PARD3: variants seen among roughly 807,000 people sequenced by gnomAD.
PARD3 encodes the protein partitioning defective 3 homolog.
Under a neutral mutation model 155.4 loss-of-function variants are expected in PARD3, and 75 were observed. The observed-to-expected ratio is 0.48, with a 90% CI of 0.40 to 0.58. PARD3 has a LOEUF of 0.58. Among genes scored for constraint, PARD3 ranks in the 20% least tolerant of loss-of-function variants. The pLI, the probability that PARD3 is intolerant of heterozygous loss-of-function variation, is 0.00. For missense variants in PARD3, 1,642 were observed against 1,721.7 expected (o/e 0.95, Z 0.82); for synonymous variants, 576 against 610.5 (o/e 0.94, Z 0.83).
rs554143927 is a variant in PARD3, at chr10:34,795,396, AGC to A, written c.120+19478_120+19479del. Among the ~76,000 whole-genome samples, 460 of 152,322 alleles carry A rather than the reference AGC, an allele frequency of 3.0e-3. 2 individuals carry two copies. The highest frequency in any genetic ancestry group is 4.8e-3 in the Non-Finnish European group (327 of 68,030). On this transcript the variant is annotated intron_variant, in intron 1 of 24. Transcript: ENST00000374788. ...GAGGCCAAAGGAAGAGCCTCACTTA[AGC>A]CCAGGAATTTGTGACCAGCCTGGGC...
chr10:34,330,711 A>AC (rs1835525796), intron 19 of PARD3, among the ~76,000 whole-genome samples: 2 of 152,210 alleles, frequency 1.3e-5, no homozygotes, highest in Non-Finnish European at 2.9e-5. Flanking sequence ...AAGTTTTAAA[A>AC]TATTACTTTT....
chr10:34,262,197 G>A (rs72786249), intron 22 of PARD3, among the ~76,000 whole-genome samples: 2 of 152,012 alleles, frequency 1.3e-5, no homozygotes, highest in Admixed American at 1.3e-4. Context: ...GTGCTCCAGG[G>A]TCTTTCTACA....
At chr10:34,415,293 A>ACACATG (rs1367472311) in intron 5 of PARD3, among the ~76,000 whole-genome samples, 1 of 152,210 alleles carries the variant, frequency 6.6e-6, no homozygotes, top group East Asian at 1.9e-4. Context: ...AGTTGGGAAG[A>ACACATG]CACATGCACA....
chr10:34,256,271 C>T (rs980282962), intron 22 of PARD3, among the ~76,000 whole-genome samples: 1 of 152,254 alleles, frequency 6.6e-6, no homozygotes, highest in Admixed American at 6.5e-5. Context: ...CCTCTGGCCT[C>T]ATGAACTTGG....
intron 2 of PARD3, among the ~76,000 whole-genome samples, chr10:34,661,018 T>C (rs2093312611): frequency 6.6e-6 from 1 of 152,140 alleles, no homozygotes; most frequent in South Asian, 2.1e-4. Flanking sequence ...AAAATAGAAT[T>C]GACAACATTC....
At chr10:34,610,098 T>A (rs918371040) in intron 2 of PARD3, among the ~76,000 whole-genome samples, 1 of 152,194 alleles carries the variant, frequency 6.6e-6, no homozygotes, top group South Asian at 2.1e-4. Flanking sequence ...TTCATCCACA[T>A]CTACTCTAAT....
At chr10:34,268,144 C>A (rs1429465778) in intron 22 of PARD3, among the ~76,000 whole-genome samples, 1 of 79,276 alleles carries the variant, frequency 1.3e-5, no homozygotes. Context: ...GGGAAAAGAT[C>A]GTTTAAAAAT....
chr10:34,765,793 G>A (rs2134051322), intron 1 of PARD3, among the ~76,000 whole-genome samples: 1 of 152,256 alleles, frequency 6.6e-6, no homozygotes, highest in East Asian at 1.9e-4. Context: ...GTATTAAAGT[G>A]GCTAACATCT....
At chr10:34,789,455 T>C (rs1434657813) in intron 1 of PARD3, among the ~76,000 whole-genome samples, 1 of 151,950 alleles carries the variant, frequency 6.6e-6, no homozygotes, top group Non-Finnish European at 1.5e-5. Flanking sequence ...CGAAACACTT[T>C]GGCTGGCCAA....
At chr10:34,138,149 G>A (rs999478074) in intron 22 of PARD3, among the ~76,000 whole-genome samples, 1 of 152,168 alleles carries the variant, frequency 6.6e-6, no homozygotes, top group East Asian at 1.9e-4. Context: ...TTTTACGAGC[G>A]AGTTTTACCA....
At chr10:34,326,169 T>A (rs1835010663) in intron 19 of PARD3, among the ~76,000 whole-genome samples, 1 of 151,706 alleles carries the variant, frequency 6.6e-6, no homozygotes, top group Non-Finnish European at 1.5e-5. Flanking sequence ...ATTCTATCAT[T>A]CAAAACACTT....
chr10:34,468,859 A>G (rs2078171580), intron 4 of PARD3, among the ~76,000 whole-genome samples: 1 of 152,238 alleles, frequency 6.6e-6, no homozygotes. Flanking sequence ...TACCTATGCA[A>G]AGAATAAATC....
intron 22 of PARD3, among the ~76,000 whole-genome samples, chr10:34,229,386 A>T (rs1952794059): frequency 6.6e-6 from 1 of 151,768 alleles, no homozygotes; most frequent in Non-Finnish European, 1.5e-5. Flanking sequence ...TGCGCAGCTA[A>T]TTTTAGAATT....
At chr10:34,486,547 T>C (rs2079483468) in intron 3 of PARD3, among the ~76,000 whole-genome samples, 1 of 152,252 alleles carries the variant, frequency 6.6e-6, no homozygotes, top group Non-Finnish European at 1.5e-5. Flanking sequence ...AAATTCAGTA[T>C]GGCTGTACCA....
intron 5 of PARD3, among the ~76,000 whole-genome samples, chr10:34,421,389 T>C (rs1846173305): frequency 6.6e-6 from 1 of 150,610 alleles, no homozygotes. Context: ...TAATTAGTTA[T>C]ATTAGTTATT....
intron 19 of PARD3, among the ~76,000 whole-genome samples, chr10:34,329,023 T>G (rs1027018355): frequency 4.6e-5 from 7 of 152,230 alleles, no homozygotes; most frequent in African/African-American, 1.7e-4. Context: ...GGTTTGCAAA[T>G]TGTAATTTGC....
chr10:34,436,408 G>C (rs2076190383), intron 5 of PARD3, among the ~76,000 whole-genome samples: 1 of 152,186 alleles, frequency 6.6e-6, no homozygotes, highest in African/African-American at 2.4e-5. Flanking sequence ...AGGTATAACT[G>C]ATCAAGTCAG....
chr10:34,219,347 A>C (rs1952163910), intron 22 of PARD3, among the ~76,000 whole-genome samples: 1 of 152,234 alleles, frequency 6.6e-6, no homozygotes, highest in African/African-American at 2.4e-5. Context: ...AAATAACTCC[A>C]GGAAAAAAAA....
chr10:34,645,170 ATTTTATTTTATTTTAT>A (rs2092798447), intron 2 of PARD3, among the ~76,000 whole-genome samples: 3 of 145,830 alleles, frequency 2.1e-5, no homozygotes, highest in African/African-American at 8.3e-5. Context: ...TTTTTATTTT[ATTTTATTTTATTTTAT>A]TTTTATTTTA....
Sources: gnomAD v4.1 joint callset for allele counts (sites outside exome capture counted in the v4.1 genomes callset) on GRCh38, gnomAD v4.1.1 for gene constraint, MANE v1.5 for transcripts, NCBI Gene and HGNC (gene_info 2026-07-23, HGNC 2026-07-21) for gene names.